Variants in LARGE1 observed in about 807,000 individuals in gnomAD.
The protein encoded by LARGE1 is xylosyl- and glucuronyltransferase LARGE1.
A neutral mutation model predicts 87.6 loss-of-function variants in LARGE1; 43 were observed. The observed-to-expected ratio is 0.49, with a 90% CI of 0.38 to 0.63. LARGE1 has a LOEUF of 0.63. Ranked by LOEUF, LARGE1 falls within the 30% of genes least tolerant of loss-of-function variation. LARGE1 has a pLI of 0.00. For synonymous variants in LARGE1, 434 were observed against 394.6 expected (o/e 1.10, Z -1.18); for missense variants, 802 against 1,000.2 (o/e 0.80, Z 2.67).
intron 6 of LARGE1, among the ~76,000 whole-genome samples, chr22:33,506,718 T>C (rs1364953599): frequency 1.3e-5 from 2 of 152,136 alleles, no homozygotes; most frequent in African/African-American, 4.8e-5. Flanking sequence ...CTGGCCAATA[T>C]GGTGAAACCC....
intron 1 of LARGE1, among the ~76,000 whole-genome samples, chr22:33,899,940 T>C (rs1429179036): frequency 2.0e-5 from 3 of 152,200 alleles, no homozygotes; most frequent in African/African-American, 7.2e-5. Context: ...GTGTGTGGGT[T>C]TGGAGGGTTG....
At chr22:33,318,654 G>A (rs1378491645) in intron 10 of LARGE1, among the ~76,000 whole-genome samples, 9 of 152,072 alleles carry the variant, frequency 5.9e-5, no homozygotes, top group Non-Finnish European at 1.0e-4. Context: ...GTTAAATGAT[G>A]AGTTAATGGG....
chr22:33,796,327 G>A (rs75782968), intron 1 of LARGE1, among the ~76,000 whole-genome samples: 352 of 152,302 alleles, frequency 2.3e-3, no homozygotes, highest in African/African-American at 8.0e-3. Context: ...TACGCAGCTA[G>A]GGATTCAGAA....
chr22:33,429,504 T>C (rs1007238804), intron 7 of LARGE1, among the ~76,000 whole-genome samples: 2 of 152,136 alleles, frequency 1.3e-5, no homozygotes, highest in African/African-American at 4.8e-5. Context: ...GGAAGAGACA[T>C]GCCATTTTGG....
chr22:33,849,527 G>A (rs1226539095), intron 1 of LARGE1, among the ~76,000 whole-genome samples: 3 of 151,128 alleles, frequency 2.0e-5, no homozygotes, highest in Non-Finnish European at 2.9e-5. Flanking sequence ...AACCTACTGG[G>A]TACTAGACAC....
At chr22:33,662,210 G>A (rs993162532) in intron 2 of LARGE1, among the ~76,000 whole-genome samples, 30 of 152,010 alleles carry the variant, frequency 2.0e-4, no homozygotes, top group African/African-American at 6.3e-4. Flanking sequence ...TAGGCTATGC[G>A]TCAGGTAGAA....
intron 11 of LARGE1, among the ~76,000 whole-genome samples, chr22:33,168,132 C>G (rs779545477): frequency 2.0e-4 from 30 of 152,184 alleles, no homozygotes; most frequent in African/African-American, 4.1e-4. Flanking sequence ...ATCACCCTAT[C>G]AAGGCCTTAA....
chr22:33,153,166 A>T, the LARGE1 span, among the ~76,000 whole-genome samples: 2 of 151,936 alleles, frequency 1.3e-5, no homozygotes, highest in South Asian at 4.2e-4. Context: ...TGACTTTTAA[A>T]TTTTTTCATT....
At chr22:33,197,904 G>C (rs112891503) in intron 11 of LARGE1, among the ~76,000 whole-genome samples, 1 of 103,244 alleles carries the variant, frequency 9.7e-6, no homozygotes, top group African/African-American at 3.7e-5. Context: ...TATGGAATTG[G>C]TATATAAACA....
chr22:33,635,609 TGAA>T (rs1003704180), intron 3 of LARGE1, among the ~76,000 whole-genome samples: 13 of 152,214 alleles, frequency 8.5e-5, no homozygotes, highest in Admixed American at 2.6e-4. Context: ...AAATTCAAGC[TGAA>T]GAAGGTGAGA....
the LARGE1 span, among the ~76,000 whole-genome samples, chr22:33,071,607 C>T: frequency 2.0e-5 from 3 of 152,168 alleles, no homozygotes; most frequent in Admixed American, 6.6e-5. Flanking sequence ...GAACAAGACA[C>T]ATGGAGCCCC....
intron 11 of LARGE1, among the ~76,000 whole-genome samples, chr22:33,237,070 CA>C (rs1926289341): frequency 6.6e-6 from 1 of 152,144 alleles, no homozygotes; most frequent in African/African-American, 2.4e-5. Flanking sequence ...CAACTCTTAC[CA>C]AATCCTTCCA....
chr22:33,534,404 A>G (rs771003534), intron 6 of LARGE1, among the ~76,000 whole-genome samples: 18 of 147,658 alleles, frequency 1.2e-4, no homozygotes, highest in Non-Finnish European at 2.7e-4. Context: ...ACTCTGTCTC[A>G]AAAACAAACA....
At chr22:33,915,949 T>C (rs1194939355) in intron 1 of LARGE1, among the ~76,000 whole-genome samples, 1 of 152,166 alleles carries the variant, frequency 6.6e-6, no homozygotes, top group East Asian at 1.9e-4. Context: ...AACTCATCCC[T>C]TGAACAAGTC....
In LARGE1 at chr22:33,888,718, A is replaced by G. The variant is rs183951766; in HGVS notation, c.-83+31277T>C. Among the ~76,000 whole-genome samples, 26 of 152,026 alleles carry G rather than the reference A, an allele frequency of 1.7e-4. No individual in the cohort carries two copies. In the East Asian group the frequency reaches 3.7e-3, roughly 22 times the overall value. On this transcript the variant is annotated intron_variant, in intron 1 of 14. Coordinates refer to ENST00000397394, the MANE Select transcript of LARGE1 (RefSeq NM_133642.5). ...TAAAAATACAAAAAATTAGCCAAGC[A>G]TGGTGGTGCGTGCCTGTAATCCCAG...
chr22:33,106,103 A>G, the LARGE1 span: 1 of 152,212 alleles, frequency 6.6e-6, no homozygotes, highest in African/African-American at 2.4e-5. Flanking sequence ...CAGGCCCTAA[A>G]TGATGTGGGC....
In LARGE1 at chr22:33,205,211, G is replaced by T. The variant is rs550069616; in HGVS notation, c.1731-38379C>A. Among the ~76,000 whole-genome samples, 31 of 152,162 alleles carry T rather than the reference G, an allele frequency of 2.0e-4. No individual in the cohort carries two copies. In the East Asian group the frequency reaches 5.6e-3, roughly 27 times the overall value. ...TCAACATGCAGCCCTTTGCTTCTGG[G>T]CAATGCTCACATGACACTCATCATT... On this transcript the variant is annotated intron_variant, in intron 11 of 11. Coordinates refer to the LARGE1 transcript ENST00000608642.
At chr22:33,189,830 GT>G (rs1403965358) in intron 11 of LARGE1, among the ~76,000 whole-genome samples, 2 of 152,192 alleles carry the variant, frequency 1.3e-5, no homozygotes, top group Non-Finnish European at 2.9e-5. Context: ...CAGATCCAGA[GT>G]TAGGAGTCGA....
chr22:33,555,562 A>G (rs1009653258), intron 6 of LARGE1, among the ~76,000 whole-genome samples: 1 of 152,122 alleles, frequency 6.6e-6, no homozygotes, highest in Non-Finnish European at 1.5e-5. Flanking sequence ...AATGATCTGG[A>G]GGAGCAGCAT....
Sources: gnomAD v4.1 joint callset for allele counts (sites outside exome capture counted in the v4.1 genomes callset) on GRCh38, gnomAD v4.1.1 for gene constraint, MANE v1.5 for transcripts, NCBI Gene and HGNC (gene_info 2026-07-23, HGNC 2026-07-21) for gene names.